The following ANKRD36B variants were observed in gnomAD, a reference collection of about 807,000 sequenced individuals.
ANKRD36B encodes ankyrin repeat domain 36B.
A neutral mutation model predicts 135.7 loss-of-function variants in ANKRD36B; 37 were observed. That is an observed-to-expected ratio of 0.27 (90% confidence interval 0.21 to 0.36). ANKRD36B has a LOEUF of 0.36. Among genes scored for constraint, ANKRD36B ranks in the 10% least tolerant of loss-of-function variants. The pLI, the probability that ANKRD36B is intolerant of heterozygous loss-of-function variation, is 1.00. For synonymous variants in ANKRD36B, 179 were observed against 348.1 expected (o/e 0.51, Z 5.41); for missense variants, 549 against 1,037.1 (o/e 0.53, Z 6.46).
chr2:97,571,240 C>T (rs1017981432), intron 6 of ANKRD36B, among the ~76,000 whole-genome samples: 2 of 152,148 alleles, frequency 1.3e-5, no homozygotes, highest in African/African-American at 4.8e-5. Flanking sequence ...ACTACTCCAA[C>T]GGCTGAGGCA....
chr2:97,551,625 G>A (rs1275965947), intron 16 of ANKRD36B, 145 bp from the exon 17 acceptor site: 1 of 1,363,622 alleles, frequency 7.3e-7, no homozygotes, highest in African/African-American at 1.5e-5. Flanking sequence ...CTGGGGATTA[G>A]AACATGACAG....
chr2:97,568,991 C>CT (rs2081639986), intron 6 of ANKRD36B, among the ~76,000 whole-genome samples: 1 of 152,146 alleles, frequency 6.6e-6, no homozygotes, highest in African/African-American at 2.4e-5. Flanking sequence ...ACTAGCTGGT[C>CT]TATTTCCAAC....
At chr2:97,550,775 C>A (rs1257879677) in intron 18 of ANKRD36B, among the ~76,000 whole-genome samples, 2 of 151,816 alleles carry the variant, frequency 1.3e-5, no homozygotes, top group African/African-American at 4.8e-5. Context: ...GTTTCCTCAG[C>A]AGTAACCCCA....
At chr2:97,551,720 A>C (rs768407425) in intron 16 of ANKRD36B, among the ~76,000 whole-genome samples, 8 of 151,962 alleles carry the variant, frequency 5.3e-5, no homozygotes, top group Non-Finnish European at 7.4e-5. Flanking sequence ...TACGTCGAAA[A>C]CTAAAATCAA....
chr2:97,568,170 T>C (rs543817502), intron 6 of ANKRD36B, among the ~76,000 whole-genome samples: 1 of 152,138 alleles, frequency 6.6e-6, no homozygotes, highest in Admixed American at 6.6e-5. Flanking sequence ...AAAATTATTG[T>C]ACACATAGAG....
Position 97,533,749 on chromosome 2 carries a change from T to C in ANKRD36B, c.2192-1365A>G, listed in dbSNP as rs1285242370. 2.1e-5 allele frequency among the ~76,000 whole-genome samples: 2 copies of C among 95,372 alleles called. 1 individual carries two copies. The highest frequency in any genetic ancestry group is 5.6e-5 in the Non-Finnish European group (2 of 36,012). The allele number at this position is 95,372 out of a possible 152,430, so 62.6% of individuals were successfully genotyped here. A position where few individuals can be genotyped will look rare whatever the true frequency, so the allele number is the denominator to read the frequency against. The stretch of plus-strand genomic sequence containing the variant: ...CTGAATCCACTCATGCAAGAAGATA[T>C]GTAAACCACATCAAAAATAGTGTAT... On this transcript the variant is annotated intron_variant, in intron 34 of 43. Transcript: ENST00000359901.
At position 97,533,790 on chromosome 2, in the gene ANKRD36B, G is replaced by A. The variant is rs552373207; in HGVS notation, c.2192-1406C>T. On this transcript the variant is annotated intron_variant, in intron 34 of 43. Transcript: ENST00000359901. ...AATAGTGTATAGGCTGGGTGTGGTG[G>A]CTCACGCCTGTAATCACAGCACTTT... 8.4e-4 allele frequency among the ~76,000 whole-genome samples: 80 copies of A among 95,644 alleles called. 21 individuals are homozygous for A. Among genetic ancestry groups the A allele is most frequent in the African/African-American group, 2.5e-3 (79 of 31,818 alleles). 62.7% of individuals were successfully genotyped at this position (95,644 alleles called of 152,430 possible).
At chr2:97,581,792 C>CATTTATTT (rs747453435) in intron 3 of ANKRD36B, among the ~76,000 whole-genome samples, 54 of 152,000 alleles carry the variant, frequency 3.6e-4, no homozygotes, top group African/African-American at 1.2e-3. Context: ...TTATTTGCAT[C>CATTTATTT]ATTTATTTAT....
chr2:97,578,059 C>T (rs2082339778), intron 5 of ANKRD36B, among the ~76,000 whole-genome samples: 1 of 152,084 alleles, frequency 6.6e-6, no homozygotes, highest in African/African-American at 2.4e-5. Context: ...AAAAATAACT[C>T]ACCATGAAGG....
intron 6 of ANKRD36B, among the ~76,000 whole-genome samples, chr2:97,575,640 C>T (rs1360882037): frequency 1.1e-5 from 1 of 91,516 alleles, no homozygotes; most frequent in African/African-American, 3.2e-5. Flanking sequence ...ATGGTTTTCA[C>T]AGGAAAAGAT....
intron 16 of ANKRD36B, among the ~76,000 whole-genome samples, chr2:97,552,872 T>TGGTTTC (rs1319220170): frequency 7.2e-5 from 11 of 151,956 alleles, no homozygotes; most frequent in Admixed American, 7.2e-4. Context: ...TGCTGTAGAA[T>TGGTTTC]TAAAGCAAAA....
chr2:97,557,589 G>T (rs1404653408), intron 10 of ANKRD36B, among the ~76,000 whole-genome samples: 1 of 151,734 alleles, frequency 6.6e-6, no homozygotes, highest in Non-Finnish European at 1.5e-5. Context: ...AATTGAGCAG[G>T]TACACAATGA....
chr2:97,579,387 T>G (rs1405989245), intron 4 of ANKRD36B, among the ~76,000 whole-genome samples: 2 of 141,442 alleles, frequency 1.4e-5, no homozygotes, highest in African/African-American at 2.5e-5. Flanking sequence ...TACATTATAA[T>G]GCAAAATCAG....
intron 5 of ANKRD36B, among the ~76,000 whole-genome samples, chr2:97,577,959 G>A (rs1279725494): frequency 2.0e-5 from 3 of 151,750 alleles, no homozygotes; most frequent in Non-Finnish European, 2.9e-5. Flanking sequence ...AGAACACTGT[G>A]ATCTCTTTCT....
chr2:97,560,640 C>T (rs773756375), intron 8 of ANKRD36B, 25 bp downstream of exon 8: 33 of 1,600,054 alleles, frequency 2.1e-5, no homozygotes, highest in Non-Finnish European at 2.7e-5. Flanking sequence ...TTGAACATGA[C>T]ATTAGATGTG....
intron 3 of ANKRD36B, among the ~76,000 whole-genome samples, chr2:97,582,716 G>T (rs1341901658): frequency 1.2e-4 from 18 of 152,004 alleles, no homozygotes; most frequent in Non-Finnish European, 1.5e-5. Flanking sequence ...CCAAGCGATT[G>T]TATGTAAAGC....
intron 6 of ANKRD36B, among the ~76,000 whole-genome samples, 200 bp downstream of exon 6, chr2:97,576,178 AT>A (rs1179962381): frequency 6.6e-6 from 1 of 150,916 alleles, no homozygotes. Context: ...TTAAATAATA[AT>A]TTTTTTCAAA....
chr2:97,577,842 G>A (rs1201544470), intron 5 of ANKRD36B, among the ~76,000 whole-genome samples: 7 of 151,638 alleles, frequency 4.6e-5, no homozygotes, highest in Non-Finnish European at 7.4e-5. Context: ...ACAAGTTGAT[G>A]CCTACTACTC....
Position 97,547,604 on chromosome 2 carries a change from G to A in ANKRD36B, c.1511C>T (p.Thr504Ile), listed in dbSNP as rs761403604. 2.5e-6 allele frequency: 4 copies of A among 1,573,654 alleles called. No homozygotes were observed. The South Asian group carries it at 4.5e-5, about 18-fold the overall frequency. Reference protein sequence around the residue: ...SFEQPPGLKATRDEKDSLLNI... With the variant: ...SFEQPPGLKAIRDEKDSLLNI... ...CAAAAGAGAATCTTTCTCGTCTCTT[G>A]TAGCCTGAATGGAATTTGAAATGAA... The change falls in exon 22 of 44, where the codon ACA (threonine) becomes ATA (isoleucine). Residue 504 changes from threonine to isoleucine, a missense_variant. Transcript: ENST00000359901.
Sources: allele counts gnomAD v4.1 joint callset (sites outside exome capture counted in the v4.1 genomes callset), GRCh38; gene constraint gnomAD v4.1.1; transcripts MANE v1.5; gene names NCBI Gene and HGNC (gene_info 2026-07-23, HGNC 2026-07-21).